Variants in PARP8 observed in about 807,000 individuals in gnomAD.
PARP8 encodes protein mono-ADP-ribosyltransferase PARP8.
In PARP8, 51 loss-of-function variants were observed where a neutral mutation model predicts 124.1. The ratio of observed to expected loss-of-function variants is 0.41; its 90% confidence interval spans 0.33 to 0.52. PARP8 has a LOEUF of 0.52. Ranked by LOEUF, PARP8 falls within the 20% of genes least tolerant of loss-of-function variation. The pLI, the probability that PARP8 is intolerant of heterozygous loss-of-function variation, is 0.21. For synonymous variants in PARP8, 391 were observed against 361.5 expected (o/e 1.08, Z -0.93); for missense variants, 860 against 1,018.9 (o/e 0.84, Z 2.12).
Position 50,830,435 on chromosome 5 carries a change from G to C in PARP8, c.2233+474G>C, listed in dbSNP as rs75101670. 5.5e-3 allele frequency among the ~76,000 whole-genome samples: 839 copies of C among 152,210 alleles called. 6 individuals are homozygous for C. Among genetic ancestry groups the C allele is most frequent in the African/African-American group, 0.019 (786 of 41,548 alleles). On this transcript the variant is annotated intron_variant, in intron 22 of 25. Coordinates refer to ENST00000281631, the MANE Select transcript of PARP8 (RefSeq NM_024615.4). Reference sequence around the variant, plus strand: ...TTTTTGTAAATTTGGTGAGATTGTGGGAAAAAATACTTTGGAAAAAATTGA... The same window carrying C: ...TTTTTGTAAATTTGGTGAGATTGTGCGAAAAAATACTTTGGAAAAAATTGA...
intron 7 of PARP8, among the ~76,000 whole-genome samples, chr5:50,772,525 T>A (rs933733323): frequency 1.1e-4 from 16 of 152,186 alleles, no homozygotes; most frequent in African/African-American, 3.9e-4. Flanking sequence ...TATTTTTTAA[T>A]CTTTTTGCTA....
chr5:50,795,645 G>A (rs1426420043), intron 12 of PARP8, among the ~76,000 whole-genome samples: 1 of 152,116 alleles, frequency 6.6e-6, no homozygotes, highest in Non-Finnish European at 1.5e-5. Context: ...TTGAAGTCCA[G>A]TTCAAATTCT....
At chr5:50,818,479 C>T (rs1006139902) in intron 15 of PARP8, among the ~76,000 whole-genome samples, 1 of 152,220 alleles carries the variant, frequency 6.6e-6, no homozygotes, top group Non-Finnish European at 1.5e-5. Flanking sequence ...ATCCTCCCGC[C>T]TCAGCCTCCT....
At chr5:50,832,282 T>A (rs1451006361) in intron 22 of PARP8, among the ~76,000 whole-genome samples, 1 of 152,140 alleles carries the variant, frequency 6.6e-6, no homozygotes, top group Non-Finnish European at 1.5e-5. Flanking sequence ...ATTATGGCAT[T>A]TACAGAGTAA....
At chr5:50,775,302 C>T (rs931734151) in intron 7 of PARP8, among the ~76,000 whole-genome samples, 11 of 152,216 alleles carry the variant, frequency 7.2e-5, no homozygotes, top group Non-Finnish European at 1.6e-4. Context: ...CATCTGCAAT[C>T]CCAGCACTTC....
intron 10 of PARP8, among the ~76,000 whole-genome samples, chr5:50,789,900 C>A (rs1741755888): frequency 6.6e-6 from 1 of 152,072 alleles, no homozygotes; most frequent in Non-Finnish European, 1.5e-5. Context: ...GAGCAATATT[C>A]TAAGGGAAAA....
intron 6 of PARP8, among the ~76,000 whole-genome samples, 198 bp downstream of exon 6, chr5:50,762,096 T>A (rs1321163658): frequency 1.3e-5 from 2 of 152,176 alleles, no homozygotes; most frequent in East Asian, 1.9e-4. Context: ...GTCCTTTCAA[T>A]TGTAATCATT....
chr5:50,764,751 A>G (rs1271876934), intron 7 of PARP8, among the ~76,000 whole-genome samples: 4 of 151,976 alleles, frequency 2.6e-5, no homozygotes, highest in Non-Finnish European at 5.9e-5. Context: ...TATAGAATGC[A>G]TATATGAAGA....
chr5:50,675,556 G>T (rs576924811), intron 2 of PARP8, among the ~76,000 whole-genome samples: 1 of 152,168 alleles, frequency 6.6e-6, no homozygotes, highest in African/African-American at 2.4e-5. Flanking sequence ...TGATCTGCCC[G>T]CCTCGGCCTC....
At chr5:50,742,077 C>G in intron 2 of PARP8, 1 of 249,120 alleles carries the variant, frequency 4.0e-6, no homozygotes, top group Non-Finnish European at 8.1e-6. Flanking sequence ...CCCAAAGTAC[C>G]GGGATTACAG....
At chr5:50,794,028 A>G (rs967503404) in intron 10 of PARP8, among the ~76,000 whole-genome samples, 179 bp from the exon 11 acceptor site, 1 of 152,176 alleles carries the variant, frequency 6.6e-6, no homozygotes, top group Admixed American at 6.5e-5. Flanking sequence ...AAGCTCTGCT[A>G]ATTTGCTATA....
In PARP8 at chr5:50,795,212, G is replaced by C. The variant is rs1325755574; in HGVS notation, c.1223G>C (p.Ser408Thr). ...NTNLKPHKLL[S>T]RSYSSNLRME... ...AACTTGAAGCCCCATAAACTGTTAAGCAGGTCTTACTCTAGTAATCTCAGA... is the reference window on the plus strand; with the variant it reads ...AACTTGAAGCCCCATAAACTGTTAACCAGGTCTTACTCTAGTAATCTCAGA... The change falls in exon 12 of 26, where the codon AGC (serine) becomes ACC (threonine). Residue 408 changes from serine to threonine, a missense_variant. Ser to Thr is a moderately conservative substitution (Grantham distance 58, BLOSUM62 1). This residue lies in a region of PARP8 where 517 missense variants were observed against 544.2 expected (regional missense o/e 0.95). Coordinates refer to ENST00000281631, the MANE Select transcript of PARP8 (RefSeq NM_024615.4). 3 of 1,614,122 alleles carry C rather than the reference G, an allele frequency of 1.9e-6. No homozygotes were observed. The highest frequency in any genetic ancestry group is 2.5e-6 in the Non-Finnish European group (3 of 1,180,006).
At chr5:50,774,846 G>C (rs1050261704) in intron 7 of PARP8, among the ~76,000 whole-genome samples, 1 of 143,924 alleles carries the variant, frequency 6.9e-6, no homozygotes, top group African/African-American at 2.6e-5. Context: ...CCTAGATGGG[G>C]TGGTGGCCAG....
At chr5:50,829,083 G>A (rs966309387) in intron 21 of PARP8, among the ~76,000 whole-genome samples, 1 of 152,172 alleles carries the variant, frequency 6.6e-6, no homozygotes, top group African/African-American at 2.4e-5. Context: ...AGAATAAAAT[G>A]TAGAAATAAG....
rs760754764 is a variant in PARP8, at chr5:50,759,634, T to G, written c.185-9T>G. The stretch of plus-strand genomic sequence containing the variant: ...TGCCTTTCATTATCTTTTTTTTTTT[T>G]TTTTGCAGATAATACATATGTGTCA... On this transcript the variant is annotated splice_polypyrimidine_tract_variant and intron_variant, in intron 3 of 25. Transcript: ENST00000281631. 6.6e-7 allele frequency: 1 copy of G among 1,517,506 alleles called. No homozygotes were observed. Among genetic ancestry groups the G allele is most frequent in the African/African-American group, 1.4e-5 (1 of 69,768 alleles). 94.0% of individuals were successfully genotyped at this position (1,517,506 alleles called of 1,614,324 possible).
At chr5:50,833,823 A>G (rs1357263675) in intron 23 of PARP8, among the ~76,000 whole-genome samples, 156 bp from the exon 24 acceptor site, 3 of 151,864 alleles carry the variant, frequency 2.0e-5, no homozygotes, top group Non-Finnish European at 4.4e-5. Context: ...AAATAACTTA[A>G]TATTAAGAGA....
Position 50,821,384 on chromosome 5 carries a change from A to G in PARP8, c.1794+46A>G, listed in dbSNP as rs143157021. ...ACCAATCACAAAGTTTTCTTTAACAATAACAACAATATTGAGATTGTAGTC... is the reference window on the plus strand; with the variant it reads ...ACCAATCACAAAGTTTTCTTTAACAGTAACAACAATATTGAGATTGTAGTC... On this transcript the variant is annotated intron_variant, in intron 16 of 25. Coordinates refer to ENST00000281631, the MANE Select transcript of PARP8 (RefSeq NM_024615.4). The G allele has an allele frequency of 4.4e-4, 709 of 1,600,610 alleles. 3 individuals carry two copies. In the African/African-American group the frequency reaches 8.2e-3, roughly 19 times the overall value.
At chr5:50,770,983 G>C (rs1474808759) in intron 7 of PARP8, among the ~76,000 whole-genome samples, 1 of 151,730 alleles carries the variant, frequency 6.6e-6, no homozygotes, top group African/African-American at 2.4e-5. Context: ...TAGATGCTTT[G>C]ATGGTTTTTA....
chr5:50,767,915 G>T (rs1301525402), intron 7 of PARP8, among the ~76,000 whole-genome samples: 1 of 152,148 alleles, frequency 6.6e-6, no homozygotes, highest in Non-Finnish European at 1.5e-5. Context: ...TAACCATCCA[G>T]TTGTTGAAAG....
Sources: allele counts gnomAD v4.1 joint callset (sites outside exome capture counted in the v4.1 genomes callset), GRCh38; gene constraint gnomAD v4.1.1; regional missense constraint gnomAD v4.1.1; transcripts MANE v1.5; gene names NCBI Gene and HGNC (gene_info 2026-07-23, HGNC 2026-07-21).